INTS8: variants seen among roughly 807,000 people sequenced by gnomAD.
The protein encoded by INTS8 is protein kaonashi-1.
INTS8 carries 47 observed loss-of-function variants against 138.9 expected under a neutral mutation model. That is an observed-to-expected ratio of 0.34 (90% CI 0.27 to 0.43). INTS8 has a LOEUF of 0.43. INTS8 is among the 20% of genes least tolerant of loss of function. The probability of loss-of-function intolerance (pLI) is 1.00; values close to 1 mark genes in which losing one functional copy is unlikely to be tolerated. For missense variants in INTS8, 996 were observed against 1,173.0 expected, an observed-to-expected ratio of 0.85 and a Z score of 2.20; for synonymous variants, 392 against 400.9, an observed-to-expected ratio of 0.98 and a Z score of 0.27.
intron 7 of INTS8, 54 bp downstream of exon 7, chr8:94,836,685 A>G: frequency 9.0e-7 from 1 of 1,111,968 alleles, no homozygotes; most frequent in Non-Finnish European, 1.3e-6. Flanking sequence ...ACATCTATAC[A>G]TTTTTTTGGC....
In INTS8 at chr8:94,827,351, C is replaced by G. The variant is rs1563639173; in HGVS notation, c.394C>G (p.Leu132Val). The G allele has an allele frequency of 6.2e-7, 1 of 1,614,056 alleles. No individual in the cohort carries two copies. Among genetic ancestry groups the G allele is most frequent in the Non-Finnish European group, 8.5e-7 (1 of 1,179,872 alleles). Residue 132 changes from leucine to valine, a missense_variant, in exon 3 of 27, where the codon CTG (leucine) becomes GTG (valine). Transcript: ENST00000523731. Reference sequence around the variant, plus strand: ...TGGGACAAAGCATGTAGACATGGATCTGGCCACTTTACCTCCGACCACTGC... The same window carrying G: ...TGGGACAAAGCATGTAGACATGGATGTGGCCACTTTACCTCCGACCACTGC... ...PPGTKHVDMD[L>V]ATLPPTTAMA...
At chr8:94,870,354 A>G (rs1816354020) in intron 20 of INTS8, among the ~76,000 whole-genome samples, 1 of 152,224 alleles carries the variant, frequency 6.6e-6, no homozygotes. Flanking sequence ...CCTGGCCTGA[A>G]ATAATACATT....
intron 20 of INTS8, among the ~76,000 whole-genome samples, chr8:94,869,976 G>A (rs929692391): frequency 2.0e-5 from 3 of 152,104 alleles, no homozygotes; most frequent in Non-Finnish European, 2.9e-5. Context: ...CAATAAGTTG[G>A]TTTCTGTGCC....
intron 26 of INTS8, among the ~76,000 whole-genome samples, chr8:94,878,184 G>A (rs1418551633): frequency 6.6e-6 from 1 of 152,040 alleles, no homozygotes. Flanking sequence ...CCTACGACTG[G>A]TGCCACTGCC....
chr8:94,869,813 C>G (rs1264122208), intron 20 of INTS8, among the ~76,000 whole-genome samples: 2 of 152,032 alleles, frequency 1.3e-5, no homozygotes, highest in African/African-American at 4.8e-5. Context: ...TTTTTAGCCT[C>G]TGTAGTATTA....
chr8:94,867,087 A>G (rs1406748295), intron 18 of INTS8, 53 bp from the exon 19 acceptor site: 2 of 1,336,316 alleles, frequency 1.5e-6, no homozygotes, highest in Non-Finnish European at 2.1e-6. Context: ...CAGGAGCAAT[A>G]TTAAATAAAT....
chr8:94,871,429 G>A (rs1391165222), intron 20 of INTS8, among the ~76,000 whole-genome samples: 1 of 151,746 alleles, frequency 6.6e-6, no homozygotes, highest in Non-Finnish European at 1.5e-5. Context: ...AGTGAGCTGA[G>A]ATCGTGCCAC....
At chr8:94,850,484 C>T (rs1275599786) in intron 12 of INTS8, among the ~76,000 whole-genome samples, 2 of 151,940 alleles carry the variant, frequency 1.3e-5, no homozygotes, top group Non-Finnish European at 2.9e-5. Context: ...TGGTGGTGGG[C>T]GCCTGTAGTC....
intron 26 of INTS8, 76 bp from the exon 27 acceptor site, chr8:94,880,042 T>A (rs1452298785): frequency 8.7e-6 from 8 of 917,958 alleles, no homozygotes; most frequent in Non-Finnish European, 1.4e-5. Flanking sequence ...AGCACGTAGG[T>A]AGCTTTATAT....
At position 94,851,559 on chromosome 8, in the gene INTS8, C is replaced by G. The variant is rs1428092773; in HGVS notation, c.1514C>G (p.Ala505Gly). 1 of 1,565,596 alleles carries G rather than the reference C, an allele frequency of 6.4e-7. No individual in the cohort carries two copies. Among genetic ancestry groups the G allele is most frequent in the Non-Finnish European group, 8.6e-7 (1 of 1,161,106 alleles). ...AATATAAATCTTTTTTTAGCTTCAG[C>G]AAGTGTCAACATTGGTCAGTTAGAG... ...VTSFYDIPASASVNIGQLEHQ... is the reference protein window; with the variant it reads ...VTSFYDIPASGSVNIGQLEHQ... The change falls in exon 13 of 27, where the codon GCA becomes GGA. Residue 505 changes from alanine to glycine, a missense_variant. Ala to Gly is a moderately conservative substitution (Grantham distance 60). Coordinates refer to ENST00000523731, the MANE Select transcript of INTS8 (RefSeq NM_017864.4).
At chr8:94,842,864 C>T (rs1480089705) in intron 10 of INTS8, among the ~76,000 whole-genome samples, 1 of 152,210 alleles carries the variant, frequency 6.6e-6, no homozygotes, top group Admixed American at 6.5e-5. Context: ...AGCCTCTTGT[C>T]TGTCATGTGT....
At chr8:94,867,039 C>CAAGG in intron 18 of INTS8, 101 bp from the exon 19 acceptor site, 8 of 909,846 alleles carry the variant, frequency 8.8e-6, no homozygotes, top group Non-Finnish European at 1.3e-5. Context: ...TTTCAAAAGG[C>CAAGG]AAGGGTCTTT....
At chr8:94,832,437 A>G (rs1164325712) in intron 6 of INTS8, among the ~76,000 whole-genome samples, 1 of 152,226 alleles carries the variant, frequency 6.6e-6, no homozygotes, top group East Asian at 1.9e-4. Context: ...GAATACAGTT[A>G]TATGTAATTG....
intron 13 of INTS8, among the ~76,000 whole-genome samples, chr8:94,852,895 A>G (rs1815603298): frequency 6.6e-6 from 1 of 152,172 alleles, no homozygotes. Context: ...GGCATGAGCC[A>G]CTGTGCCCGA....
intron 16 of INTS8, among the ~76,000 whole-genome samples, chr8:94,863,185 T>C (rs1192563809): frequency 1.3e-5 from 2 of 152,168 alleles, no homozygotes; most frequent in African/African-American, 4.8e-5. Flanking sequence ...GCCACAGTGG[T>C]GCTAGTATAG....
Position 94,827,744 on chromosome 8 carries a change from AG to A in INTS8, c.470del (p.Ser157IlefsTer15), listed in dbSNP as rs1814562188. On this transcript the variant is annotated frameshift_variant, in exon 4 of 27. Transcript: ENST00000523731. LOFTEE classifies it high-confidence loss of function. ...CAGGGCAATTAGGACAATTGTTCAAAGTAGTTTTCCAGTCAAACAGGCAAAA... is the reference window on the plus strand; with the variant it reads ...CAGGGCAATTAGGACAATTGTTCAAATAGTTTTCCAGTCAAACAGGCAAAA... Reference protein sequence around the residue: ...NRWAIRTIVQSSFPVKQAKPG... With the variant: ...NRWAIRTIVQXSFPVKQAKPG... 1 of 1,614,038 alleles carries A rather than the reference AG, an allele frequency of 6.2e-7. No individual in the cohort carries two copies. The highest frequency in any genetic ancestry group is 8.5e-7 in the Non-Finnish European group (1 of 1,179,974).
intron 8 of INTS8, among the ~76,000 whole-genome samples, chr8:94,839,445 A>G (rs1815054650): frequency 6.6e-6 from 1 of 152,234 alleles, no homozygotes; most frequent in African/African-American, 2.4e-5. Flanking sequence ...TGATAAAGCC[A>G]TAACTTAGTT....
At chr8:94,844,196 G>A (rs1023941004) in intron 10 of INTS8, among the ~76,000 whole-genome samples, 1 of 151,850 alleles carries the variant, frequency 6.6e-6, no homozygotes, top group Non-Finnish European at 1.5e-5. Flanking sequence ...GCGCTACCAC[G>A]CCTGGCTAAT....
At chr8:94,847,700 CT>C in intron 10 of INTS8, among the ~76,000 whole-genome samples, 1 of 152,066 alleles carries the variant, frequency 6.6e-6, no homozygotes. Context: ...TTGAGTTTTT[CT>C]TTTTTTAAAT....
Sources: gnomAD v4.1 joint callset for allele counts (sites outside exome capture counted in the v4.1 genomes callset) on GRCh38, gnomAD v4.1.1 for gene constraint, MANE v1.5 for transcripts, NCBI Gene and HGNC (gene_info 2026-07-23, HGNC 2026-07-21) for gene names.